Variants in BAZ2B observed in about 807,000 individuals in gnomAD.
The protein encoded by BAZ2B is bromodomain adjacent to zinc finger domain 2B.
In BAZ2B, 91 loss-of-function variants were observed where a neutral mutation model predicts 246.0. The observed-to-expected ratio is 0.37, with a 90% CI of 0.31 to 0.44. The LOEUF is 0.44. BAZ2B is among the 20% of genes least tolerant of loss of function. The probability of loss-of-function intolerance (pLI) is 1.00; values close to 1 mark genes in which losing one functional copy is unlikely to be tolerated. For missense variants in BAZ2B, 2,332 were observed against 2,533.7 expected (o/e 0.92, Z 1.71); for synonymous variants, 855 against 860.0 (o/e 0.99, Z 0.10).
chr2:159,548,315 A>G (rs2087663375), intron 2 of BAZ2B, among the ~76,000 whole-genome samples: 1 of 152,222 alleles, frequency 6.6e-6, no homozygotes, highest in African/African-American at 2.4e-5. Flanking sequence ...TACTAAAGAT[A>G]TTTTAAAATT....
the BAZ2B span, among the ~76,000 whole-genome samples, chr2:159,645,084 G>A: frequency 1.2e-4 from 19 of 152,028 alleles, no homozygotes; most frequent in African/African-American, 4.4e-4. Context: ...AGACCAGCCT[G>A]GGCAACATGG....
chr2:159,427,299 T>A (rs1304601215), intron 13 of BAZ2B, among the ~76,000 whole-genome samples: 1 of 152,000 alleles, frequency 6.6e-6, no homozygotes, highest in African/African-American at 2.4e-5. Context: ...GGAAATGAGA[T>A]CTCCTTGGTG....
At chr2:159,347,384 A>G in intron 31 of BAZ2B, 102 bp downstream of exon 31, 2 of 1,317,478 alleles carry the variant, frequency 1.5e-6, no homozygotes, top group South Asian at 1.2e-5. Context: ...ATGAGACAAA[A>G]TAAAAACATT....
At chr2:159,324,786 T>C (rs761323045) in intron 36 of BAZ2B, 25 bp downstream of exon 36, 1 of 1,435,484 alleles carries the variant, frequency 7.0e-7, no homozygotes, top group South Asian at 1.5e-5. Flanking sequence ...AATAAATATT[T>C]AGTGAACTGA....
At chr2:159,382,949 A>C (rs2062177927) in intron 24 of BAZ2B, 147 bp from the exon 25 acceptor site, 1 of 1,111,116 alleles carries the variant, frequency 9.0e-7, no homozygotes, top group Admixed American at 3.1e-5. Flanking sequence ...AATTAGAATT[A>C]GGAAACTTAA....
intron 23 of BAZ2B, 63 bp downstream of exon 23, chr2:159,385,092 T>C: frequency 6.7e-7 from 1 of 1,483,776 alleles, no homozygotes; most frequent in Non-Finnish European, 9.3e-7. Flanking sequence ...TCAATTTGTA[T>C]TACTTTTTGA....
intron 8 of BAZ2B, chr2:159,434,489 T>C (rs1235804229): frequency 1.3e-5 from 2 of 152,102 alleles, no homozygotes; most frequent in East Asian, 3.9e-4. Flanking sequence ...GGTGACTATA[T>C]GTACTCTTAT....
At chr2:159,698,515 C>CAA in the BAZ2B span, among the ~76,000 whole-genome samples, 11,059 of 129,780 alleles carry the variant, frequency 0.085, 669 homozygotes, top group African/African-American at 0.18. Flanking sequence ...CACCATCCCA[C>CAA]AAAAAAAAAA....
At chr2:159,352,195 C>A (rs1174047272) in intron 27 of BAZ2B, among the ~76,000 whole-genome samples, 1 of 152,142 alleles carries the variant, frequency 6.6e-6, no homozygotes, top group Non-Finnish European at 1.5e-5. Flanking sequence ...TAAGTTCTTG[C>A]CCTTCTCAGA....
chr2:159,358,505 A>G (rs879555744), intron 27 of BAZ2B, among the ~76,000 whole-genome samples: 2 of 152,218 alleles, frequency 1.3e-5, no homozygotes, highest in Admixed American at 1.3e-4. Context: ...CTCCCACACA[A>G]TAATAGTTGG....
At chr2:159,322,487 A>G (rs557620768) in intron 36 of BAZ2B, among the ~76,000 whole-genome samples, 1 of 152,292 alleles carries the variant, frequency 6.6e-6, no homozygotes, top group African/African-American at 2.4e-5. Context: ...CAGATACTTC[A>G]TCTAAATGGA....
At chr2:159,685,716 T>C in the BAZ2B span, among the ~76,000 whole-genome samples, 3 of 152,116 alleles carry the variant, frequency 2.0e-5, no homozygotes, top group African/African-American at 7.2e-5. Context: ...TATTACACTA[T>C]ACATAATGCC....
chr2:159,464,709 G>A (rs1027006868), intron 3 of BAZ2B: 4 of 152,224 alleles, frequency 2.6e-5, no homozygotes, highest in African/African-American at 9.6e-5. Flanking sequence ...TCAGGCAAAT[G>A]ACTATTCTTA....
chr2:159,658,862 T>C, the BAZ2B span, among the ~76,000 whole-genome samples: 1 of 152,016 alleles, frequency 6.6e-6, no homozygotes, highest in Non-Finnish European at 1.5e-5. Flanking sequence ...CTATGTTGCC[T>C]GGGCTGGTCT....
At chr2:159,640,614 G>GA in the BAZ2B span, among the ~76,000 whole-genome samples, 1,138 of 152,072 alleles carry the variant, frequency 7.5e-3, 41 homozygotes, top group East Asian at 0.1. Context: ...GTGTGTCAAT[G>GA]AAAAAGTAAG....
chr2:159,423,665 A>T (rs1430603960), intron 13 of BAZ2B, among the ~76,000 whole-genome samples: 1 of 152,244 alleles, frequency 6.6e-6, no homozygotes, highest in East Asian at 1.9e-4. Flanking sequence ...GTATATATAC[A>T]CCCAGGAATA....
the BAZ2B span, among the ~76,000 whole-genome samples, chr2:159,662,641 C>G: frequency 6.6e-6 from 1 of 152,200 alleles, no homozygotes; most frequent in Non-Finnish European, 1.5e-5. Context: ...TCTCCTGCCT[C>G]AGCCTCCCGA....
intron 27 of BAZ2B, among the ~76,000 whole-genome samples, chr2:159,361,955 G>T (rs552534467): frequency 6.6e-6 from 1 of 151,646 alleles, no homozygotes; most frequent in Non-Finnish European, 1.5e-5. Context: ...GGGCCTGTCG[G>T]GGGGGTGAGG....
chr2:159,679,364 G>C, the BAZ2B span, among the ~76,000 whole-genome samples: 1 of 150,176 alleles, frequency 6.7e-6, no homozygotes, highest in Non-Finnish European at 1.5e-5. Flanking sequence ...TTTTATTGCT[G>C]AGCAGTATTC....
Sources: allele counts gnomAD v4.1 joint callset (sites outside exome capture counted in the v4.1 genomes callset), GRCh38; gene constraint gnomAD v4.1.1; transcripts MANE v1.5; gene names NCBI Gene and HGNC (gene_info 2026-07-23, HGNC 2026-07-21).